Variants in SRGAP3 observed in about 807,000 individuals in gnomAD.
SRGAP3 encodes SLIT-ROBO Rho GTPase activating protein 3.
A neutral mutation model predicts 121.1 loss-of-function variants in SRGAP3; 39 were observed. The observed-to-expected ratio is 0.32, with a 90% CI of 0.25 to 0.42. The LOEUF is 0.42. SRGAP3 is among the 10% of genes least tolerant of loss of function. The probability of loss-of-function intolerance (pLI) is 1.00; values close to 1 mark genes in which losing one functional copy is unlikely to be tolerated. For missense variants in SRGAP3, 1,213 were observed against 1,470.6 expected, an observed-to-expected ratio of 0.82 and a Z score of 2.86; for synonymous variants, 601 against 570.0, an observed-to-expected ratio of 1.05 and a Z score of -0.77.
At position 9,165,884 on chromosome 3, in the gene SRGAP3, G is replaced by A. The variant is rs185005289; in HGVS notation, c.68-40967C>T. ...AAATGCTTTCACAGATCTGAATTCT[G>A]CTCCTTCAGAGCCTTATCTCAGGTT... On this transcript the variant is annotated intron_variant, in intron 1 of 21. Coordinates refer to ENST00000383836, the MANE Select transcript of SRGAP3 (RefSeq NM_014850.4). Among the ~76,000 whole-genome samples, 420 of 152,232 alleles carry A rather than the reference G, an allele frequency of 2.8e-3. 1 individual carries two copies. The highest frequency in any genetic ancestry group is 3.2e-3 in the Non-Finnish European group (217 of 68,014).
chr3:9,147,681 C>T lies in SRGAP3; in HGVS notation c.68-22764G>A, dbSNP rs571066684. Among the ~76,000 whole-genome samples, 4 of 152,280 alleles carry T rather than the reference C, an allele frequency of 2.6e-5. No individual in the cohort carries two copies. In the East Asian group the frequency reaches 5.8e-4, roughly 22 times the overall value. ...GAGGAAAGAAAAATAACAATGTGCT[C>T]GCAGCAAGAAGCATCCAAGCGCTTC... On this transcript the variant is annotated intron_variant, in intron 1 of 21. Coordinates refer to ENST00000383836, the MANE Select transcript of SRGAP3 (RefSeq NM_014850.4).
rs1036590791 is a variant in SRGAP3, at chr3:9,014,100, G to A, written c.1814-258C>T. On this transcript the variant is annotated intron_variant, in intron 15 of 21. Coordinates refer to ENST00000383836, the MANE Select transcript of SRGAP3 (RefSeq NM_014850.4). ...GGACTTGGTTGTGAGAAACCCACAG[G>A]GAGATGCCCTCTTGGACCTGGGTAG... 1.1e-5 allele frequency: 6 copies of A among 527,992 alleles called. No homozygotes were observed. The African/African-American group carries it at 1.1e-4, about 10-fold the overall frequency. The allele number at this position is 527,992 out of a possible 1,614,324, so 32.7% of individuals were successfully genotyped here.
intron 1 of SRGAP3, among the ~76,000 whole-genome samples, chr3:9,189,627 T>C (rs1246327683): frequency 6.6e-6 from 1 of 152,246 alleles, no homozygotes; most frequent in African/African-American, 2.4e-5. Context: ...AAGTGCCTTC[T>C]AATCCATTTA....
At chr3:9,015,515 G>T in intron 15 of SRGAP3, 82 bp downstream of exon 15, 1 of 1,573,022 alleles carries the variant, frequency 6.4e-7, no homozygotes, top group South Asian at 1.1e-5. Context: ...CCTCCTCTAT[G>T]CCTAGCACAG....
chr3:9,321,653 A>C (rs983708337), intron 3 of SRGAP3, among the ~76,000 whole-genome samples: 4 of 151,954 alleles, frequency 2.6e-5, no homozygotes, highest in African/African-American at 9.6e-5. Flanking sequence ...GCCACGAAAA[A>C]GAATCAGATC....
chr3:9,035,731 A>C (rs1466102638), intron 11 of SRGAP3: 1 of 165,810 alleles, frequency 6.0e-6, no homozygotes, highest in African/African-American at 2.4e-5. Flanking sequence ...GAAAATTAAC[A>C]CACGTTGGCA....
intron 3 of SRGAP3, among the ~76,000 whole-genome samples, chr3:9,310,375 C>G (rs140743057): frequency 6.6e-6 from 1 of 152,176 alleles, no homozygotes; most frequent in African/African-American, 2.4e-5. Context: ...TTCAGCCACA[C>G]AGTTTGGGTA....
intron 2 of SRGAP3, among the ~76,000 whole-genome samples, chr3:9,121,153 TTCCTTCCTGTCTTCTTCCC>T (rs1948991056): frequency 6.6e-6 from 1 of 152,160 alleles, no homozygotes; most frequent in African/African-American, 2.4e-5. Flanking sequence ...TCTCCCTTCC[TTCCTTCCTGTCTTCTTCCC>T]TCCTTCCTCC....
intron 3 of SRGAP3, among the ~76,000 whole-genome samples, chr3:9,091,494 G>C (rs912732059): frequency 2.0e-5 from 3 of 152,002 alleles, no homozygotes; most frequent in African/African-American, 7.3e-5. Context: ...CACAAAACTT[G>C]AGACCCACAG....
chr3:9,232,215 T>C (rs756518919), intron 1 of SRGAP3, among the ~76,000 whole-genome samples: 2 of 152,228 alleles, frequency 1.3e-5, no homozygotes, highest in African/African-American at 2.4e-5. Context: ...TTTCTTTCTT[T>C]TACAGTTCAG....
intron 3 of SRGAP3, among the ~76,000 whole-genome samples, chr3:9,102,590 C>T (rs1948259460): frequency 6.6e-6 from 1 of 152,216 alleles, no homozygotes; most frequent in Non-Finnish European, 1.5e-5. Flanking sequence ...GTAACTGATG[C>T]AACACAAAGG....
chr3:9,316,992 C>A (rs999019371), intron 3 of SRGAP3, among the ~76,000 whole-genome samples: 2 of 152,110 alleles, frequency 1.3e-5, no homozygotes, highest in African/African-American at 4.8e-5. Flanking sequence ...ATTCTGTAGG[C>A]CACCGTGTAC....
chr3:9,267,895 G>A (rs1227339882), intron 3 of SRGAP3, among the ~76,000 whole-genome samples: 1 of 152,050 alleles, frequency 6.6e-6, no homozygotes, highest in Non-Finnish European at 1.5e-5. Flanking sequence ...ATTATCTCAG[G>A]GAATCCCTAT....
intron 9 of SRGAP3, among the ~76,000 whole-genome samples, chr3:9,051,909 CA>C (rs762280783): frequency 3.3e-5 from 5 of 152,060 alleles, no homozygotes; most frequent in Non-Finnish European, 4.4e-5. Context: ...GACGGGTTTT[CA>C]CCGTGTTGCC....
intron 1 of SRGAP3, among the ~76,000 whole-genome samples, chr3:9,347,634 T>G (rs538783782): frequency 6.6e-6 from 1 of 152,354 alleles, no homozygotes; most frequent in African/African-American, 2.4e-5. Context: ...GAGACAGATC[T>G]TCCTATATAA....
chr3:9,163,513 A>T (rs1950673852), intron 1 of SRGAP3, among the ~76,000 whole-genome samples: 1 of 152,152 alleles, frequency 6.6e-6, no homozygotes, highest in Non-Finnish European at 1.5e-5. Flanking sequence ...CCTGTGGCTC[A>T]TCACTGAAGT....
intron 3 of SRGAP3, among the ~76,000 whole-genome samples, chr3:9,317,489 C>T (rs1955368122): frequency 6.6e-6 from 1 of 152,184 alleles, no homozygotes; most frequent in Non-Finnish European, 1.5e-5. Context: ...GATAGCTATG[C>T]CAAAAGCTCT....
chr3:9,047,345 G>C (rs763822703), intron 10 of SRGAP3, 46 bp downstream of exon 10: 2 of 1,594,922 alleles, frequency 1.3e-6, no homozygotes, highest in East Asian at 4.5e-5. Flanking sequence ...GTGAGAGCCA[G>C]TGGGGAACGC....
intron 1 of SRGAP3, among the ~76,000 whole-genome samples, chr3:9,356,176 T>C (rs2030487867): frequency 6.6e-6 from 1 of 150,848 alleles, no homozygotes; most frequent in African/African-American, 2.4e-5. Flanking sequence ...GAGACCTGTT[T>C]ATGGGACTTT....
Sources: allele counts gnomAD v4.1 joint callset (sites outside exome capture counted in the v4.1 genomes callset), GRCh38; gene constraint gnomAD v4.1.1; transcripts MANE v1.5; gene names NCBI Gene and HGNC (gene_info 2026-07-23, HGNC 2026-07-21).